FNTB: variants seen among roughly 807,000 people sequenced by gnomAD.
The protein encoded by FNTB is farnesyltransferase, CAAX box, subunit beta, also known as protein farnesyltransferase subunit beta.
Under a neutral mutation model 59.4 loss-of-function variants are expected in FNTB, and 27 were observed. The observed-to-expected ratio is 0.45, with a 90% confidence interval of 0.34 to 0.63. FNTB has a LOEUF of 0.63. Among genes scored for constraint, FNTB ranks in the 20% least tolerant of loss-of-function variants. FNTB has a pLI of 0.02. For missense variants in FNTB, 449 were observed against 559.6 expected, an observed-to-expected ratio of 0.80 and a Z score of 1.99; for synonymous variants, 230 against 220.7, an observed-to-expected ratio of 1.04 and a Z score of -0.37.
chr14:65,003,021 TG>T (rs1302310193), intron 1 of FNTB, among the ~76,000 whole-genome samples: 1 of 152,214 alleles, frequency 6.6e-6, no homozygotes, highest in East Asian at 1.9e-4. Flanking sequence ...GGAAGTGGGC[TG>T]AAGTGCAGCC....
At chr14:65,026,824 T>C (rs1461733127) in intron 4 of FNTB, among the ~76,000 whole-genome samples, 1 of 151,050 alleles carries the variant, frequency 6.6e-6, no homozygotes, top group South Asian at 2.1e-4. Context: ...ATCACACCAC[T>C]GCACTGCAGC....
Position 64,991,927 on chromosome 14 carries a change from G to A in FNTB, c.144+4830G>A, listed in dbSNP as rs116999360. Among the ~76,000 whole-genome samples the A allele has an allele frequency of 2.8e-3, 424 of 152,306 alleles. 2 individuals carry two copies. Among genetic ancestry groups the A allele is most frequent in the Non-Finnish European group, 4.7e-3 (318 of 68,020 alleles). On this transcript the variant is annotated intron_variant, in intron 1 of 11. Coordinates refer to ENST00000246166, the MANE Select transcript of FNTB (RefSeq NM_002028.4). The surrounding 1 kb of genome is among the most constrained non-coding windows in gnomAD (Gnocchi z 4.4). ...TGGGCCCCTATCAGGGTATTAAGAG[G>A]CAGGTGATGTGCTGGCTTCAGGTTC... is the stretch of plus-strand genomic sequence containing the variant.
Position 65,027,363 on chromosome 14 carries a change from T to C in FNTB, c.375-90T>C, listed in dbSNP as rs2062002129. The C allele has an allele frequency of 6.4e-7, 1 of 1,562,472 alleles. No homozygotes were observed. The highest frequency in any genetic ancestry group is 1.4e-5 in the African/African-American group (1 of 73,910). ...CCTCAACTTTTGAGGGAGTGGGGGA[T>C]CATTGGAAAGGCCTGGAATCTAGTG... On this transcript the variant is annotated intron_variant, in intron 4 of 11. Transcript: ENST00000246166. This position sits in a 1 kb window ranked among gnomAD's most constrained non-coding sequence, Gnocchi z 5.7.
Position 65,053,315 on chromosome 14 carries a change from T to A in FNTB, c.1033T>A (p.Cys345Ser). 1 of 1,447,570 alleles carries A rather than the reference T, an allele frequency of 6.9e-7. No homozygotes were observed. The highest frequency in any genetic ancestry group is 9.1e-7 in the Non-Finnish European group (1 of 1,093,244). The allele number at this position is 1,447,570 out of a possible 1,614,324, so 89.7% of individuals were successfully genotyped here. Reference sequence around the variant, plus strand: ...GGAGTACATCCTGATGTGCTGCCAGTGCCCTGCGGGGGGGCTTCTGGATAA... The same window carrying A: ...GGAGTACATCCTGATGTGCTGCCAGAGCCCTGCGGGGGGGCTTCTGGATAA... ...LQEYILMCCQ[C>S]PAGGLLDKPG... is the part of the protein sequence containing the mutation. The change falls in exon 10 of 12, where the codon TGC (cysteine) becomes AGC (serine). Residue 345 changes from cysteine (C) to serine (S), a missense_variant. Coordinates refer to ENST00000246166, the MANE Select transcript of FNTB (RefSeq NM_002028.4).
At chr14:64,992,714 G>T (rs1888248952) in intron 1 of FNTB, among the ~76,000 whole-genome samples, 1 of 152,046 alleles carries the variant, frequency 6.6e-6, no homozygotes. Flanking sequence ...GACCTCACAG[G>T]CCTGCCTTGG....
rs569005973 is a variant in FNTB, at chr14:65,030,290, T to C, written c.606-2320T>C. ...CATTTGGCATTGGCACTTGTGACTC[T>C]TGTGTGCTCCCAATGCCTGCTGGTG... On this transcript the variant is annotated intron_variant, in intron 6 of 11. Transcript: ENST00000246166. This position sits in a 1 kb window ranked among gnomAD's most constrained non-coding sequence, Gnocchi z 4.5. Among the ~76,000 whole-genome samples, 102 of 152,354 alleles carry C rather than the reference T, an allele frequency of 6.7e-4. 3 individuals carry two copies. In the South Asian group the frequency reaches 0.02, roughly 30 times the overall value.
At chr14:65,018,368 T>C (rs746229377) in intron 4 of FNTB, among the ~76,000 whole-genome samples, 3 of 152,196 alleles carry the variant, frequency 2.0e-5, no homozygotes, top group Non-Finnish European at 4.4e-5. Flanking sequence ...TGTTAAAATA[T>C]ATGTATTTAT....
At position 65,032,746 on chromosome 14, in the gene FNTB, G is replaced by A. The variant is rs775238109; in HGVS notation, c.692+50G>A. 4 of 1,563,818 alleles carry A rather than the reference G, an allele frequency of 2.6e-6. No individual in the cohort carries two copies. Among genetic ancestry groups the A allele is most frequent in the African/African-American group, 1.4e-5 (1 of 72,790 alleles). ...GGCCTCTTGGAGAGCAGGCGGTCAC[G>A]ACACTACTTCAGAAAAATAAAGAAA... is the stretch of plus-strand genomic sequence containing the variant. On this transcript the variant is annotated intron_variant, in intron 7 of 11. Transcript: ENST00000246166. The surrounding 1 kb of genome is among the most constrained non-coding windows in gnomAD (Gnocchi z 5.0).
chr14:65,015,844 C>A, intron 4 of FNTB, 128 bp downstream of exon 4: 3 of 1,046,922 alleles, frequency 2.9e-6, no homozygotes, highest in Non-Finnish European at 4.2e-6. Flanking sequence ...CTTTGCTCTT[C>A]TCATGACCTC....
chr14:65,008,112 C>T (rs2139495238), intron 2 of FNTB, among the ~76,000 whole-genome samples: 1 of 152,336 alleles, frequency 6.6e-6, no homozygotes, highest in South Asian at 2.1e-4. Flanking sequence ...CAAGGTCTCA[C>T]AAATAAGTTC....
In FNTB at chr14:65,005,637, T is replaced by TCCTGC. The variant is rs781665715; in HGVS notation, c.209+1339_209+1343dup. On this transcript the variant is annotated intron_variant, in intron 2 of 11. Transcript: ENST00000246166. ...TCTTGTCTTGTCCTGTCCTGTCCGG[T>TCCTGC]CCTGCCCTGCCCTGCCCTGTCTTGC... 7.9e-5 allele frequency among the ~76,000 whole-genome samples: 12 copies of TCCTGC among 151,662 alleles called. 1 individual carries two copies. The highest frequency in any genetic ancestry group is 2.9e-4 in the African/African-American group (12 of 41,332).
In FNTB at chr14:64,998,057, T is replaced by C. The variant is rs147126863; in HGVS notation, c.145-6192T>C. On this transcript the variant is annotated intron_variant, in intron 1 of 11. Transcript: ENST00000246166. ...TGCACATTCAAAATGTTAGGTTATTTAGAGAATTTTTGTTTGTTAAACATT... is the reference window on the plus strand; with the variant it reads ...TGCACATTCAAAATGTTAGGTTATTCAGAGAATTTTTGTTTGTTAAACATT... Among the ~76,000 whole-genome samples the C allele has an allele frequency of 6.8e-4, 103 of 152,328 alleles. 2 individuals carry two copies. The East Asian group carries it at 0.017, about 25-fold the overall frequency.
At chr14:65,026,902 G>C (rs1270393641) in intron 4 of FNTB, among the ~76,000 whole-genome samples, 1 of 152,082 alleles carries the variant, frequency 6.6e-6, no homozygotes, top group Non-Finnish European at 1.5e-5. Flanking sequence ...TCTTACTGGT[G>C]GAGTAGAAAT....
rs371205798 is a variant in FNTB at position 65,047,136 on chromosome 14, A to C, written c.955+2693A>C. ...TGTCCTTCTTACTTTTTCTACTACA[A>C]CTGCCACTACTACTGGTAGCGGAGT... On this transcript the variant is annotated intron_variant, in intron 9 of 11. Transcript: ENST00000246166. This position sits in a 1 kb window ranked among gnomAD's most constrained non-coding sequence, Gnocchi z 5.2. Among the ~76,000 whole-genome samples the C allele has an allele frequency of 6.6e-6, 1 of 152,208 alleles. No homozygotes were observed. Among genetic ancestry groups the C allele is most frequent in the Admixed American group, 6.5e-5 (1 of 15,284 alleles).
chr14:65,026,881 C>A lies in FNTB; in HGVS notation c.375-572C>A, dbSNP rs200768091. On this transcript the variant is annotated intron_variant, in intron 4 of 11. Transcript: ENST00000246166. ...CGCCTCAAAAAAAAAAACAAAAAAA[C>A]AAAACTTGCTTCTTACTGGTGGAGT... Among the ~76,000 whole-genome samples the A allele has an allele frequency of 5.0e-3, 753 of 151,498 alleles. 10 individuals carry two copies. The highest frequency in any genetic ancestry group is 0.036 in the East Asian group (184 of 5,104).
chr14:64,987,188 G>A, intron 1 of FNTB, 91 bp downstream of exon 1: 1 of 1,449,812 alleles, frequency 6.9e-7, no homozygotes, highest in Non-Finnish European at 9.5e-7. Flanking sequence ...GGAACTCACC[G>A]GGGAACTACG....
At chr14:65,019,399 A>G (rs890033721) in intron 4 of FNTB, among the ~76,000 whole-genome samples, 1 of 145,472 alleles carries the variant, frequency 6.9e-6, no homozygotes, top group Non-Finnish European at 1.5e-5. Flanking sequence ...AAGCAGGAGA[A>G]TTGCTTGAAT....
intron 11 of FNTB, among the ~76,000 whole-genome samples, chr14:65,055,758 A>G (rs745430603): frequency 2.0e-5 from 3 of 152,030 alleles, no homozygotes; most frequent in Non-Finnish European, 4.4e-5. Flanking sequence ...CTCAAGTGAT[A>G]TGCCTGCCTC....
rs912198894 is a variant in FNTB, at chr14:64,997,175, C to A, written c.145-7074C>A. Reference sequence around the variant, plus strand: ...AGATGTAGGTGTAAAGGATAACCAGCGATTATTCCGGAGGTCACAAGATTT... The same window carrying A: ...AGATGTAGGTGTAAAGGATAACCAGAGATTATTCCGGAGGTCACAAGATTT... On this transcript the variant is annotated intron_variant, in intron 1 of 11. Coordinates refer to ENST00000246166, the MANE Select transcript of FNTB (RefSeq NM_002028.4). This position sits in a 1 kb window ranked among gnomAD's most constrained non-coding sequence, Gnocchi z 4.5. 6.6e-6 allele frequency among the ~76,000 whole-genome samples: 1 copy of A among 152,106 alleles called. No individual in the cohort carries two copies. Among genetic ancestry groups the A allele is most frequent in the African/African-American group, 2.4e-5 (1 of 41,406 alleles).
Sources: allele counts gnomAD v4.1 joint callset (sites outside exome capture counted in the v4.1 genomes callset), GRCh38; gene constraint gnomAD v4.1.1; non-coding constraint Gnocchi (gnomAD v3.1); transcripts MANE v1.5; gene names NCBI Gene and HGNC (gene_info 2026-07-23, HGNC 2026-07-21).